Variants in DTNA observed in about 807,000 individuals in gnomAD.
DTNA encodes the protein dystrophin-related protein 3.
In DTNA, 43 loss-of-function variants were observed where a neutral mutation model predicts 100.7. That is an observed-to-expected ratio of 0.43 (90% CI 0.33 to 0.55). The LOEUF is 0.55. Among genes scored for constraint, DTNA ranks in the 20% least tolerant of loss-of-function variants. DTNA has a pLI of 0.04. For missense variants in DTNA, 798 were observed against 953.9 expected (o/e 0.84, Z 2.15); for synonymous variants, 349 against 347.9 (o/e 1.00, Z -0.04).
intron 1 of DTNA, among the ~76,000 whole-genome samples, chr18:34,712,477 T>A (rs2083097281): frequency 3.3e-5 from 5 of 152,132 alleles, no homozygotes. Flanking sequence ...GCTACAAGTG[T>A]GTAAAAACCA....
intron 22 of DTNA, 143 bp downstream of exon 22, chr18:34,884,919 C>T (rs559660209): frequency 3.9e-6 from 4 of 1,029,816 alleles, no homozygotes; most frequent in Admixed American, 1.8e-5. Context: ...ATCGAAGAGT[C>T]GTCTCAGTCT....
At chr18:34,766,218 T>G (rs1410483369) in intron 3 of DTNA, among the ~76,000 whole-genome samples, 177 bp downstream of exon 3, 3 of 152,188 alleles carry the variant, frequency 2.0e-5, no homozygotes, top group Non-Finnish European at 4.4e-5. Context: ...CTAAGTAGTC[T>G]TGAAATCTGA....
chr18:34,762,736 T>A (rs1240102724), intron 2 of DTNA, among the ~76,000 whole-genome samples: 1 of 152,210 alleles, frequency 6.6e-6, no homozygotes, highest in African/African-American at 2.4e-5. Flanking sequence ...ACACACTAAA[T>A]TGTATTGTTC....
chr18:34,695,196 TTAATAG>T (rs1226138144), intron 1 of DTNA, among the ~76,000 whole-genome samples: 1 of 152,224 alleles, frequency 6.6e-6, no homozygotes, highest in African/African-American at 2.4e-5. Flanking sequence ...AATTCAGTTA[TTAATAG>T]GAATTCTTCC....
chr18:34,651,634 C>T (rs1238050848), intron 1 of DTNA, among the ~76,000 whole-genome samples: 1 of 152,126 alleles, frequency 6.6e-6, no homozygotes, highest in African/African-American at 2.4e-5. Context: ...ATTTATAGGG[C>T]CTACCATAAA....
intron 17 of DTNA, among the ~76,000 whole-genome samples, chr18:34,871,623 G>A (rs544695444): frequency 3.5e-4 from 53 of 152,232 alleles, no homozygotes; most frequent in Non-Finnish European, 6.3e-4. Context: ...CCATCCCACC[G>A]AGGCCACTTC....
At chr18:34,564,884 T>TA (rs1254326556) in intron 1 of DTNA, among the ~76,000 whole-genome samples, 3 of 152,168 alleles carry the variant, frequency 2.0e-5, no homozygotes, top group Non-Finnish European at 4.4e-5. Context: ...GCTGTAGACT[T>TA]AAGATAAAGA....
chr18:34,504,086 G>C (rs2040237045), intron 1 of DTNA: 2 of 151,580 alleles, frequency 1.3e-5, no homozygotes, highest in Admixed American at 6.6e-5. Flanking sequence ...TCGATCTCCT[G>C]ACCTCGTGAT....
intron 1 of DTNA, among the ~76,000 whole-genome samples, chr18:34,521,879 G>A (rs1441927858): frequency 1.3e-5 from 2 of 151,962 alleles, no homozygotes; most frequent in Non-Finnish European, 2.9e-5. Context: ...ACATATATTG[G>A]GCTGTTCATT....
intron 1 of DTNA, among the ~76,000 whole-genome samples, chr18:34,682,469 T>G (rs752757804): frequency 6.6e-6 from 1 of 152,194 alleles, no homozygotes; most frequent in African/African-American, 2.4e-5. Context: ...CCAAGTTAAT[T>G]GTATCATTTT....
intron 1 of DTNA, among the ~76,000 whole-genome samples, chr18:34,576,718 C>T (rs543561486): frequency 8.5e-5 from 13 of 152,216 alleles, no homozygotes; most frequent in Admixed American, 2.0e-4. Context: ...CTCAGCCTCC[C>T]GAAGTGCTGG....
intron 1 of DTNA, among the ~76,000 whole-genome samples, chr18:34,546,711 C>T (rs1424718660): frequency 1.3e-5 from 2 of 152,080 alleles, no homozygotes; most frequent in Non-Finnish European, 2.9e-5. Context: ...GGGGAAGCCA[C>T]CCAGTAATTA....
At chr18:34,524,405 T>C (rs2042418382) in intron 1 of DTNA, among the ~76,000 whole-genome samples, 1 of 152,200 alleles carries the variant, frequency 6.6e-6, no homozygotes, top group African/African-American at 2.4e-5. Flanking sequence ...AAATGACAGA[T>C]TTTTGCTTTT....
chr18:34,638,592 T>A (rs1007915019), intron 1 of DTNA, among the ~76,000 whole-genome samples: 4 of 152,176 alleles, frequency 2.6e-5, no homozygotes, highest in African/African-American at 9.7e-5. Context: ...TGATTTACAG[T>A]TTAATTCTCA....
At chr18:34,622,018 T>C (rs2056591793) in intron 1 of DTNA, among the ~76,000 whole-genome samples, 1 of 151,992 alleles carries the variant, frequency 6.6e-6, no homozygotes, top group Admixed American at 6.6e-5. Flanking sequence ...AGGGGAGGAA[T>C]TGGGAGATAT....
chr18:34,882,525 C>T (rs190060747), intron 21 of DTNA, among the ~76,000 whole-genome samples: 17 of 152,138 alleles, frequency 1.1e-4, no homozygotes, highest in East Asian at 3.9e-4. Context: ...TGCACCACCA[C>T]GCCCAGTTAA....
In DTNA at chr18:34,584,698, T is replaced by C. The variant is rs546519839; in HGVS notation, c.-2+91184T>C. On this transcript the variant is annotated intron_variant, in intron 1 of 19. Coordinates refer to the DTNA transcript ENST00000283365. ...AACTGAATAAATGAGTAAAAGTCCC[T>C]GAATTTCAAATATAATCAACTGGGG... 2.0e-5 allele frequency among the ~76,000 whole-genome samples: 3 copies of C among 152,318 alleles called. No homozygotes were observed. In the South Asian group the frequency reaches 6.2e-4, roughly 32 times the overall value.
At chr18:34,592,197 A>G (rs1260588519) in intron 1 of DTNA, among the ~76,000 whole-genome samples, 1 of 152,082 alleles carries the variant, frequency 6.6e-6, no homozygotes, top group Non-Finnish European at 1.5e-5. Flanking sequence ...CAATTACCAA[A>G]ATTATAAAGC....
chr18:34,547,878 A>G (rs1004394726), intron 1 of DTNA, among the ~76,000 whole-genome samples: 2 of 152,186 alleles, frequency 1.3e-5, no homozygotes, highest in African/African-American at 2.4e-5. Context: ...CTGTCTCTGC[A>G]TATTTCAGCT....
Sources: gnomAD v4.1 joint callset for allele counts (sites outside exome capture counted in the v4.1 genomes callset) on GRCh38, gnomAD v4.1.1 for gene constraint, MANE v1.5 for transcripts, NCBI Gene and HGNC (gene_info 2026-07-23, HGNC 2026-07-21) for gene names.